Variants in GTF2E2 observed in about 807,000 individuals in gnomAD.
The protein encoded by GTF2E2 is general transcription factor IIE subunit 2.
In GTF2E2, 21 loss-of-function variants were observed where a neutral mutation model predicts 40.5. The observed-to-expected ratio is 0.52, with a 90% CI of 0.37 to 0.75. The LOEUF (loss-of-function observed/expected upper bound fraction) is 0.75. Among genes scored for constraint, GTF2E2 ranks in the 30% least tolerant of loss-of-function variants. GTF2E2 has a pLI of 0.00. For missense variants in GTF2E2, 298 were observed against 338.4 expected (o/e 0.88, Z 0.94); for synonymous variants, 117 against 121.6 (o/e 0.96, Z 0.25).
intron 6 of GTF2E2, among the ~76,000 whole-genome samples, chr8:30,603,758 A>G (rs1029307656): frequency 6.6e-6 from 1 of 152,190 alleles, no homozygotes; most frequent in East Asian, 1.9e-4. Flanking sequence ...TGATGATCTG[A>G]TAAGAATATT....
chr8:30,603,752 G>C (rs1240896077), intron 6 of GTF2E2, among the ~76,000 whole-genome samples: 1 of 152,054 alleles, frequency 6.6e-6, no homozygotes, highest in Non-Finnish European at 1.5e-5. Flanking sequence ...TGTAGATGAT[G>C]ATCTGATAAG....
At chr8:30,614,744 G>C in intron 3 of GTF2E2, 29 bp from the exon 4 acceptor site, 1 of 1,309,544 alleles carries the variant, frequency 7.6e-7, no homozygotes, top group Admixed American at 1.8e-5. Flanking sequence ...GTTATTAGAA[G>C]ACAGTTTCAA....
At chr8:30,627,227 C>CAT (rs2151141187) in intron 3 of GTF2E2, among the ~76,000 whole-genome samples, 1 of 152,244 alleles carries the variant, frequency 6.6e-6, no homozygotes, top group Non-Finnish European at 1.5e-5. Flanking sequence ...GACAAACCAA[C>CAT]ATATTTCACT....
At chr8:30,648,437 C>T (rs1192926026) in intron 2 of GTF2E2, among the ~76,000 whole-genome samples, 2 of 152,224 alleles carry the variant, frequency 1.3e-5, no homozygotes, top group Non-Finnish European at 2.9e-5. Flanking sequence ...AACAGCTAAC[C>T]TAGCAATCCA....
intron 1 of GTF2E2, among the ~76,000 whole-genome samples, 195 bp downstream of exon 1, chr8:30,657,778 C>T (rs1334178087): frequency 2.0e-5 from 3 of 152,176 alleles, no homozygotes; most frequent in Non-Finnish European, 2.9e-5. Flanking sequence ...AAAGTTTGCT[C>T]AATGAACCTC....
chr8:30,612,186 T>C lies in GTF2E2; in HGVS notation c.549+113A>G, dbSNP rs949160194. ...CCTTCAAGTGGCTCACTGTAACCCA[T>C]GTGTATATAATAGAAGCTTTAAAAA... On this transcript the variant is annotated intron_variant, in intron 5 of 7. Coordinates refer to ENST00000355904, the MANE Select transcript of GTF2E2 (RefSeq NM_002095.6). The C allele has an allele frequency of 4.5e-6, 3 of 672,668 alleles. No individual in the cohort carries two copies. The African/African-American group carries it at 5.4e-5, about 12-fold the overall frequency. 41.7% of individuals were successfully genotyped at this position (672,668 alleles called of 1,614,324 possible).
At chr8:30,624,011 T>C (rs1801192153) in intron 3 of GTF2E2, among the ~76,000 whole-genome samples, 3 of 152,126 alleles carry the variant, frequency 2.0e-5, no homozygotes, top group South Asian at 4.1e-4. Context: ...AGCCCTTTAG[T>C]TTAATTAGAT....
At chr8:30,599,592 A>AC (rs1044236355) in intron 6 of GTF2E2, among the ~76,000 whole-genome samples, 2 of 63,538 alleles carry the variant, frequency 3.1e-5, no homozygotes, top group African/African-American at 1.7e-4. Flanking sequence ...AAAAAAAAAA[A>AC]AAAACTTCCC....
intron 3 of GTF2E2, among the ~76,000 whole-genome samples, chr8:30,625,392 G>T (rs1041602873): frequency 6.6e-6 from 1 of 151,954 alleles, no homozygotes; most frequent in African/African-American, 2.4e-5. Context: ...CTTACCACTG[G>T]GTTTCTCAAC....
chr8:30,657,443 A>G (rs1220587958), intron 1 of GTF2E2: 1 of 152,158 alleles, frequency 6.6e-6, no homozygotes, highest in Non-Finnish European at 1.5e-5. Context: ...GCACCTCAGG[A>G]CCCGGCTATG....
intron 2 of GTF2E2, among the ~76,000 whole-genome samples, chr8:30,650,410 T>A (rs1240212438): frequency 6.6e-6 from 1 of 151,460 alleles, no homozygotes; most frequent in Non-Finnish European, 1.5e-5. Context: ...AAACTCTCAG[T>A]CAGATGCAGT....
At position 30,621,623 on chromosome 8, in the gene GTF2E2, G is replaced by A. The variant is rs540784131; in HGVS notation, c.259-6908C>T. ...GATGACTTTTGGTGTGCTGCCTTTC[G>A]TACTTTGTTTCACTTTCTTATTTTT... On this transcript the variant is annotated intron_variant, in intron 3 of 7. Coordinates refer to ENST00000355904, the MANE Select transcript of GTF2E2 (RefSeq NM_002095.6). Among the ~76,000 whole-genome samples the A allele has an allele frequency of 1.4e-4, 22 of 152,146 alleles. No individual in the cohort carries two copies. The Middle Eastern group carries it at 0.01, about 71-fold the overall frequency.
Position 30,612,493 on chromosome 8 carries a change from A to G in GTF2E2, c.367-12T>C, listed in dbSNP as rs1350376117. 1 of 1,504,852 alleles carries G rather than the reference A, an allele frequency of 6.6e-7. No individual in the cohort carries two copies. Among genetic ancestry groups the G allele is most frequent in the Admixed American group, 1.7e-5 (1 of 57,538 alleles). The allele number at this position is 1,504,852 out of a possible 1,614,324, so 93.2% of individuals were successfully genotyped here. ...TTGTTGACTAAAGCCTGTAACAGTG[A>G]TACAATTGGAATATATTAACAAATG... On this transcript the variant is annotated splice_polypyrimidine_tract_variant and intron_variant, in intron 4 of 7. Coordinates refer to ENST00000355904, the MANE Select transcript of GTF2E2 (RefSeq NM_002095.6).
At chr8:30,633,261 A>G (rs1460341012) in intron 3 of GTF2E2, among the ~76,000 whole-genome samples, 5 of 152,202 alleles carry the variant, frequency 3.3e-5, no homozygotes. Context: ...AAAATACATA[A>G]CATTTGGATA....
At chr8:30,635,211 T>C (rs1801557277) in intron 2 of GTF2E2, 88 bp from the exon 3 acceptor site, 1 of 714,044 alleles carries the variant, frequency 1.4e-6, no homozygotes, top group African/African-American at 1.8e-5. Flanking sequence ...TGGTAACATA[T>C]TTCTTGAGTT....
At chr8:30,624,704 G>C (rs945669928) in intron 3 of GTF2E2, among the ~76,000 whole-genome samples, 2 of 151,942 alleles carry the variant, frequency 1.3e-5, no homozygotes, top group South Asian at 2.1e-4. Flanking sequence ...GTGGTTTGTA[G>C]TTCTCCTTGA....
intron 6 of GTF2E2, chr8:30,585,038 T>G (rs1177058659): frequency 2.0e-5 from 3 of 151,916 alleles, no homozygotes; most frequent in Non-Finnish European, 4.4e-5. Flanking sequence ...AATACAAAAT[T>G]AGCCAGGCGT....
At chr8:30,598,376 C>T (rs1451900072) in intron 6 of GTF2E2, among the ~76,000 whole-genome samples, 2 of 152,178 alleles carry the variant, frequency 1.3e-5, no homozygotes, top group Non-Finnish European at 2.9e-5. Flanking sequence ...GAAAGCTGAT[C>T]TGTATATTAC....
At position 30,607,227 on chromosome 8, in the gene GTF2E2, A is replaced by T. The variant is rs1365246945; in HGVS notation, c.550-77T>A. 2.5e-5 allele frequency: 15 copies of T among 590,450 alleles called. No individual in the cohort carries two copies. In the East Asian group the frequency reaches 4.1e-4, roughly 16 times the overall value. The allele number at this position is 590,450 out of a possible 1,614,324, so 36.6% of individuals were successfully genotyped here. Reference sequence around the variant, plus strand: ...CAAAAAAAAAAAAAATTTAAACAATAAAGGAGTTTCATTTCCTTAACACAC... The same window carrying T: ...CAAAAAAAAAAAAAATTTAAACAATTAAGGAGTTTCATTTCCTTAACACAC... On this transcript the variant is annotated intron_variant, in intron 5 of 7. Coordinates refer to ENST00000355904, the MANE Select transcript of GTF2E2 (RefSeq NM_002095.6).
Sources: allele counts gnomAD v4.1 joint callset (sites outside exome capture counted in the v4.1 genomes callset), GRCh38; gene constraint gnomAD v4.1.1; transcripts MANE v1.5; gene names NCBI Gene and HGNC (gene_info 2026-07-23, HGNC 2026-07-21).